Variants in TMED3 observed in about 807,000 individuals in gnomAD.
The protein encoded by TMED3 is transmembrane p24 trafficking protein 3, also known as transmembrane emp24 domain-containing protein 3.
TMED3 carries 9 observed loss-of-function variants against 15.0 expected under a neutral mutation model. That is an observed-to-expected ratio of 0.60 (90% CI 0.36 to 1.04). TMED3 has a LOEUF of 1.04. Among genes scored for constraint, TMED3 ranks in the 50% least tolerant of loss-of-function variants. The probability of loss-of-function intolerance (pLI) is 0.01; values close to 1 mark genes in which losing one functional copy is unlikely to be tolerated. For synonymous variants in TMED3, 117 were observed against 121.4 expected (o/e 0.96, Z 0.24); for missense variants, 267 against 278.9 (o/e 0.96, Z 0.30).
At chr15:79,370,160 G>A (rs1028069126) in intron 2 of TMED3, among the ~76,000 whole-genome samples, 2 of 151,666 alleles carry the variant, frequency 1.3e-5, no homozygotes, top group South Asian at 2.1e-4. Flanking sequence ...GCGTGATCTC[G>A]GCTCACTGCA....
chr15:79,377,644 C>CTTTTT (rs71150905), intron 2 of TMED3, among the ~76,000 whole-genome samples: 40 of 123,596 alleles, frequency 3.2e-4, no homozygotes, highest in African/African-American at 6.7e-4. Flanking sequence ...ACAAACCGTT[C>CTTTTT]TTTTTTTTTT....
At chr15:79,369,411 C>T (rs1236778479) in intron 2 of TMED3, among the ~76,000 whole-genome samples, 1 of 152,208 alleles carries the variant, frequency 6.6e-6, no homozygotes, top group Non-Finnish European at 1.5e-5. Flanking sequence ...TGCAGACTGC[C>T]ACCTTGCTGG....
chr15:79,397,570 A>T (rs191015060), intron 2 of TMED3, among the ~76,000 whole-genome samples: 57 of 152,346 alleles, frequency 3.7e-4, no homozygotes, highest in Admixed American at 2.7e-3. Context: ...TGTCTGTTTC[A>T]TGAAGGGTAG....
chr15:79,411,242 AG>A (rs936857048), intron 2 of TMED3, among the ~76,000 whole-genome samples: 3 of 152,204 alleles, frequency 2.0e-5, no homozygotes, highest in Admixed American at 2.0e-4. Flanking sequence ...CTTTCTGGCT[AG>A]GGGAGGATAA....
chr15:79,329,519 T>G (rs1250915436), intron 2 of TMED3, among the ~76,000 whole-genome samples: 1 of 152,200 alleles, frequency 6.6e-6, no homozygotes. Flanking sequence ...GTAAAAGGTA[T>G]AACTGCCCTG....
chr15:79,381,813 A>G (rs1893542291), intron 2 of TMED3, among the ~76,000 whole-genome samples: 1 of 152,194 alleles, frequency 6.6e-6, no homozygotes. Flanking sequence ...TGACTTAACA[A>G]TGTCAGAGCT....
At chr15:79,403,584 C>T (rs954137397) in intron 2 of TMED3, among the ~76,000 whole-genome samples, 3 of 152,168 alleles carry the variant, frequency 2.0e-5, no homozygotes, top group Admixed American at 6.5e-5. Flanking sequence ...TAGCAGCAAT[C>T]CCAGTTTCTA....
chr15:79,389,646 A>G (rs1893671874), intron 2 of TMED3, among the ~76,000 whole-genome samples: 1 of 152,100 alleles, frequency 6.6e-6, no homozygotes, highest in African/African-American at 2.4e-5. Flanking sequence ...TGGTATTTTA[A>G]TGGGGATTGT....
At chr15:79,379,595 GT>G (rs1257809673) in intron 2 of TMED3, among the ~76,000 whole-genome samples, 1 of 152,088 alleles carries the variant, frequency 6.6e-6, no homozygotes, top group East Asian at 1.9e-4. Flanking sequence ...GCTAAAATTT[GT>G]TCTTTAAGAA....
At chr15:79,396,181 C>T (rs1395494122) in intron 2 of TMED3, among the ~76,000 whole-genome samples, 1 of 152,210 alleles carries the variant, frequency 6.6e-6, no homozygotes, top group East Asian at 1.9e-4. Flanking sequence ...ATCAGTTCTA[C>T]TCTTTAACTC....
chr15:79,339,041 A>G (rs576531258), intron 2 of TMED3, among the ~76,000 whole-genome samples: 1 of 152,300 alleles, frequency 6.6e-6, no homozygotes, highest in African/African-American at 2.4e-5. Flanking sequence ...TTCAGTGGTC[A>G]TGCTCCTAGT....
intron 2 of TMED3, among the ~76,000 whole-genome samples, chr15:79,386,788 C>T (rs1360540497): frequency 6.7e-6 from 1 of 148,764 alleles, no homozygotes; most frequent in Non-Finnish European, 1.5e-5. Context: ...ACCTCATGAT[C>T]CACCCGTCTC....
In TMED3 at chr15:79,385,149, G is replaced by C. The variant is rs926801957; in HGVS notation, c.418-26251G>C. On this transcript the variant is annotated intron_variant, in intron 2 of 2. Transcript: ENST00000424155. The stretch of plus-strand genomic sequence containing the variant: ...GATCTTTGCAACCTGTGGATCAAGA[G>C]ATGCCCTTGTGAGCCCACACCACCA... 9.9e-5 allele frequency among the ~76,000 whole-genome samples: 15 copies of C among 152,284 alleles called. No individual in the cohort carries two copies. The South Asian group carries it at 2.9e-3, about 29-fold the overall frequency.
At chr15:79,319,545 A>G (rs757668896) in intron 2 of TMED3, among the ~76,000 whole-genome samples, 9 of 152,154 alleles carry the variant, frequency 5.9e-5, no homozygotes, top group Non-Finnish European at 1.2e-4. Context: ...TTTTCTCCCT[A>G]TGTGTGGAGA....
Position 79,311,437 on chromosome 15 carries a change from A to C in TMED3, c.168+20A>C. 1 of 1,594,310 alleles carries C rather than the reference A, an allele frequency of 6.3e-7. No individual in the cohort carries two copies. Among genetic ancestry groups the C allele is most frequent in the Non-Finnish European group, 8.5e-7 (1 of 1,170,306 alleles). On this transcript the variant is annotated intron_variant, in intron 1 of 2. Transcript: ENST00000299705. ...TACCAGGTGAGGCCGGGCGCCCGGC[A>C]GCGCTCCCTTCTCCCTCCACTCCCA... is the stretch of plus-strand genomic sequence containing the variant.
intron 2 of TMED3, among the ~76,000 whole-genome samples, chr15:79,378,672 G>A (rs1232898003): frequency 2.6e-5 from 4 of 152,198 alleles, no homozygotes; most frequent in African/African-American, 9.7e-5. Flanking sequence ...GAGCTCACAG[G>A]TGGGCAGGCA....
chr15:79,361,406 C>T (rs1893126510), intron 2 of TMED3, among the ~76,000 whole-genome samples: 1 of 152,194 alleles, frequency 6.6e-6, no homozygotes, highest in Non-Finnish European at 1.5e-5. Flanking sequence ...GAACACTACT[C>T]AGCCATAAAA....
chr15:79,364,478 G>A (rs558209950), intron 2 of TMED3, among the ~76,000 whole-genome samples: 54 of 151,974 alleles, frequency 3.6e-4, no homozygotes, highest in Non-Finnish European at 6.6e-4. Context: ...CCCAGCAAAG[G>A]CCCCACCCCT....
At chr15:79,348,001 G>C (rs1188496238) in intron 2 of TMED3, among the ~76,000 whole-genome samples, 2 of 152,198 alleles carry the variant, frequency 1.3e-5, no homozygotes, top group Non-Finnish European at 2.9e-5. Flanking sequence ...ATTGTCCAAA[G>C]TGTGGAGAAT....
Sources: allele counts gnomAD v4.1 joint callset (sites outside exome capture counted in the v4.1 genomes callset), GRCh38; gene constraint gnomAD v4.1.1; transcripts MANE v1.5; gene names NCBI Gene and HGNC (gene_info 2026-07-23, HGNC 2026-07-21).